Variants in ACOXL observed in about 807,000 individuals in gnomAD.
The protein encoded by ACOXL is acyl-CoA oxidase like.
A neutral mutation model predicts 71.9 loss-of-function variants in ACOXL; 70 were observed. That is an observed-to-expected ratio of 0.97 (90% CI 0.80 to 1.19). The LOEUF (loss-of-function observed/expected upper bound fraction) is 1.19. ACOXL is among the 50% of genes most tolerant of loss of function. ACOXL has a pLI of 0.00. For synonymous variants in ACOXL, 253 were observed against 281.6 expected, an observed-to-expected ratio of 0.90 and a Z score of 1.02; for missense variants, 703 against 736.3, an observed-to-expected ratio of 0.95 and a Z score of 0.52.
At chr2:111,027,489 T>G (rs1265754080) in intron 14 of ACOXL, among the ~76,000 whole-genome samples, 1 of 151,828 alleles carries the variant, frequency 6.6e-6, no homozygotes, top group African/African-American at 2.4e-5. Context: ...ACCCAGCTAA[T>G]TTTTGTATTT....
intron 11 of ACOXL, among the ~76,000 whole-genome samples, chr2:110,910,765 T>G (rs1360466678): frequency 6.6e-6 from 1 of 152,246 alleles, no homozygotes; most frequent in Non-Finnish European, 1.5e-5. Flanking sequence ...AAGATCTATT[T>G]AAATCTCTTG....
intron 12 of ACOXL, among the ~76,000 whole-genome samples, chr2:110,934,084 A>G (rs2060576455): frequency 6.6e-6 from 1 of 152,180 alleles, no homozygotes; most frequent in Non-Finnish European, 1.5e-5. Flanking sequence ...CCAGTCTCAG[A>G]CTGGATTGTG....
intron 12 of ACOXL, among the ~76,000 whole-genome samples, chr2:110,977,690 G>A (rs553844493): frequency 1.8e-4 from 28 of 152,322 alleles, no homozygotes; most frequent in African/African-American, 6.3e-4. Context: ...AGGACTCCAC[G>A]TGTGAGATTC....
chr2:110,991,023 AT>A (rs1239669880), intron 13 of ACOXL, among the ~76,000 whole-genome samples: 1 of 152,170 alleles, frequency 6.6e-6, no homozygotes, highest in African/African-American at 2.4e-5. Flanking sequence ...GTGGTTTCTT[AT>A]TCTGTGAAAG....
At chr2:111,041,551 A>T (rs2065784057) in intron 15 of ACOXL, among the ~76,000 whole-genome samples, 1 of 152,064 alleles carries the variant, frequency 6.6e-6, no homozygotes, top group Non-Finnish European at 1.5e-5. Context: ...GCTGCTGGAG[A>T]TGACACTGGG....
chr2:110,812,019 T>C (rs1396749957), intron 9 of ACOXL, among the ~76,000 whole-genome samples: 2 of 152,186 alleles, frequency 1.3e-5, no homozygotes, highest in African/African-American at 4.8e-5. Context: ...AGGTTTTTGC[T>C]CTTGTCATCA....
chr2:110,997,169 T>C (rs2063434333), intron 14 of ACOXL, among the ~76,000 whole-genome samples: 1 of 152,118 alleles, frequency 6.6e-6, no homozygotes, highest in Non-Finnish European at 1.5e-5. Context: ...TTTCGAAGAC[T>C]ATAGAAGAAA....
chr2:111,112,295 G>C (rs567671227), intron 17 of ACOXL, among the ~76,000 whole-genome samples: 33 of 152,340 alleles, frequency 2.2e-4, no homozygotes, highest in African/African-American at 7.9e-4. Context: ...GACGCACCAA[G>C]CTAAGGTCTG....
At chr2:111,076,204 C>A (rs2067592672) in intron 16 of ACOXL, among the ~76,000 whole-genome samples, 1 of 152,254 alleles carries the variant, frequency 6.6e-6, no homozygotes, top group East Asian at 1.9e-4. Context: ...GTGACATATT[C>A]AACTATGCCT....
intron 17 of ACOXL, among the ~76,000 whole-genome samples, chr2:111,109,544 T>C (rs1424501699): frequency 6.6e-6 from 1 of 152,160 alleles, no homozygotes. Context: ...TTAAACTCAT[T>C]AGTGAATTTT....
intron 10 of ACOXL, among the ~76,000 whole-genome samples, chr2:110,880,658 ACT>A (rs1422445642): frequency 9.9e-5 from 15 of 151,894 alleles, no homozygotes; most frequent in African/African-American, 3.4e-4. Flanking sequence ...TCTGCAAAAG[ACT>A]CTACTGGCCG....
At chr2:110,900,526 A>C (rs1483418498) in intron 10 of ACOXL, among the ~76,000 whole-genome samples, 2 of 152,164 alleles carry the variant, frequency 1.3e-5, no homozygotes, top group Non-Finnish European at 2.9e-5. Context: ...CTTGCCCAAG[A>C]TAACACACTG....
Position 111,118,223 on chromosome 2 carries a change from A to G in ACOXL, c.*407A>G, listed in dbSNP as rs915305909. 1.8e-5 allele frequency: 1 copy of G among 56,860 alleles called. No homozygotes were observed. Among genetic ancestry groups the G allele is most frequent in the African/African-American group, 5.9e-5 (1 of 17,026 alleles). 3.5% of individuals were successfully genotyped at this position (56,860 alleles called of 1,614,324 possible). On this transcript the variant is annotated 3_prime_UTR_variant, in exon 18 of 18. Transcript: ENST00000439055. ...GAAAAACTGTGGTGCCGAGTGAAAGAAAAAAAAAAAAGCAAACACCCTTAG... is the reference window on the plus strand; with the variant it reads ...GAAAAACTGTGGTGCCGAGTGAAAGGAAAAAAAAAAAGCAAACACCCTTAG...
intron 2 of ACOXL, 45 bp downstream of exon 2, chr2:110,768,509 TGTGTGAGA>T: frequency 6.6e-7 from 1 of 1,510,482 alleles, no homozygotes; most frequent in Non-Finnish European, 9.1e-7. Context: ...TGTGTGTGTG[TGTGTGAGA>T]GAGAGAGAGA....
intron 11 of ACOXL, among the ~76,000 whole-genome samples, chr2:110,921,388 A>AC (rs376926482): frequency 0.038 from 2,206 of 57,622 alleles, 160 homozygotes; most frequent in Non-Finnish European, 0.046. Context: ...CTATATATCC[A>AC]CCCCCCCCCC....
chr2:110,767,823 C>T (rs1281390897), intron 1 of ACOXL, among the ~76,000 whole-genome samples: 7 of 152,096 alleles, frequency 4.6e-5, no homozygotes, highest in African/African-American at 7.2e-5. Context: ...CGGTGGCTCA[C>T]GCCTGTAATC....
intron 12 of ACOXL, among the ~76,000 whole-genome samples, chr2:110,946,101 T>C (rs1367410492): frequency 1.3e-5 from 2 of 152,236 alleles, no homozygotes; most frequent in Non-Finnish European, 2.9e-5. Flanking sequence ...GGCATCACGT[T>C]TTGTGGCATA....
At chr2:110,934,060 G>A (rs2060575748) in intron 12 of ACOXL, among the ~76,000 whole-genome samples, 1 of 152,160 alleles carries the variant, frequency 6.6e-6, no homozygotes, top group African/African-American at 2.4e-5. Flanking sequence ...AGACTTCCTG[G>A]TGTGTCTCCA....
At chr2:110,764,425 A>G (rs1680781511) in intron 1 of ACOXL, among the ~76,000 whole-genome samples, 1 of 152,220 alleles carries the variant, frequency 6.6e-6, no homozygotes, top group South Asian at 2.1e-4. Flanking sequence ...TAGTTGAAAT[A>G]CTGCATTATT....
Sources: gnomAD v4.1 joint callset for allele counts (sites outside exome capture counted in the v4.1 genomes callset) on GRCh38, gnomAD v4.1.1 for gene constraint, MANE v1.5 for transcripts, NCBI Gene and HGNC (gene_info 2026-07-23, HGNC 2026-07-21) for gene names.